The following TGFBR1 variants were observed in gnomAD, a reference collection of about 807,000 sequenced individuals.
The protein encoded by TGFBR1 is TGF-beta receptor type-1.
TGFBR1 carries 20 observed loss-of-function variants against 55.1 expected under a neutral mutation model. That is an observed-to-expected ratio of 0.36 (90% CI 0.26 to 0.53). The LOEUF is 0.53. Ranked by LOEUF, TGFBR1 falls within the 20% of genes least tolerant of loss-of-function variation. The pLI, the probability that TGFBR1 is intolerant of heterozygous loss-of-function variation, is 0.91. For missense variants in TGFBR1, 385 were observed against 617.6 expected (o/e 0.62, Z 3.99); for synonymous variants, 220 against 214.8 (o/e 1.02, Z -0.21).
rs1402182714 is a variant in TGFBR1 at position 99,142,645 on chromosome 9, T to C, written c.915T>C (p.Leu305=). 1 of 1,614,130 alleles carries C rather than the reference T, an allele frequency of 6.2e-7. No individual in the cohort carries two copies. The highest frequency in any genetic ancestry group is 1.7e-5 in the Admixed American group (1 of 60,024). The change falls in exon 5 of 9, where the codon CTT becomes CTC. Residue 305 remains leucine, a synonymous_variant. Transcript: ENST00000374994. ...TTACTGTGGAAGGAATGATAAAACTTGCTCTGTCCACGGCGAGCGGTCTTG... is the reference window on the plus strand; with the variant it reads ...TTACTGTGGAAGGAATGATAAAACTCGCTCTGTCCACGGCGAGCGGTCTTG... The part of the protein sequence containing the change: ...YTVTVEGMIK[L]ALSTASGLAH...
chr9:99,123,882 C>G (rs1826963069), intron 1 of TGFBR1, among the ~76,000 whole-genome samples: 1 of 152,104 alleles, frequency 6.6e-6, no homozygotes, highest in African/African-American at 2.4e-5. Context: ...TTTATATAAT[C>G]ATTTATGTTC....
At chr9:99,104,202 TG>T (rs1302409068), upstream of TGFBR1, 29 of 152,170 alleles carry the variant, frequency 1.9e-4, 1 homozygote. Context: ...TATACAGCAG[TG>T]TCAGACACAG....
chr9:99,118,813 A>G (rs1826821784), intron 1 of TGFBR1, among the ~76,000 whole-genome samples: 1 of 151,956 alleles, frequency 6.6e-6, no homozygotes, highest in African/African-American at 2.4e-5. Context: ...CACCTGGCTC[A>G]AACTTTTATT....
upstream of TGFBR1, among the ~76,000 whole-genome samples, chr9:99,103,821 C>G (rs1303774275): frequency 6.6e-6 from 1 of 152,206 alleles, no homozygotes; most frequent in Non-Finnish European, 1.5e-5. Context: ...CCCTTTTCAT[C>G]TCCCGGAAGG....
Position 99,146,603 on chromosome 9 carries a change from A to G in TGFBR1, c.1249A>G (p.Ile417Val), listed in dbSNP as rs764050602. ...VFWEIARRCS[I>V]GGIHEDYQLP... ...CTGGGAAATTGCTCGACGATGTTCC[A>G]TTGGTGGTAAATTGCTCTCCTCTCC... Residue 417 changes from isoleucine (I) to valine (V), a missense_variant, in exon 7 of 9, where the codon ATT (isoleucine) becomes GTT (valine). Physicochemically the swap from Ile to Val is conservative, Grantham distance 29. This residue lies in a region of TGFBR1 where 110 missense variants were observed against 154.6 expected (regional missense o/e 0.71). Transcript: ENST00000374994. The G allele has an allele frequency of 7.4e-6, 12 of 1,613,822 alleles. No homozygotes were observed. Among genetic ancestry groups the G allele is most frequent in the Non-Finnish European group, 1.0e-5 (12 of 1,179,862 alleles).
In TGFBR1 at chr9:99,134,805, TATATATATATATATATATATATATA is replaced by T. The variant is rs1827373667; in HGVS notation, c.574+2067_574+2091del. Among the ~76,000 whole-genome samples, 25 of 31,796 alleles carry T rather than the reference TATATATATATATATATATATATATA, an allele frequency of 7.9e-4. 1 individual carries two copies. The highest frequency in any genetic ancestry group is 7.2e-3 in the East Asian group (11 of 1,532). 20.9% of individuals were successfully genotyped at this position (31,796 alleles called of 152,430 possible). On this transcript the variant is annotated intron_variant, in intron 3 of 8. Transcript: ENST00000374994. The stretch of plus-strand genomic sequence containing the variant: ...CAATGGAATAATTCTGTTTCCATTA[TATATATATATATATATATATATATA>T]TATATATATATATATATATATATTT...
chr9:99,136,110 C>T (rs1445515733), intron 3 of TGFBR1, among the ~76,000 whole-genome samples: 1 of 152,150 alleles, frequency 6.6e-6, no homozygotes, highest in Non-Finnish European at 1.5e-5. Flanking sequence ...CCACGTCGGC[C>T]TCCTAAAGTG....
At chr9:99,136,539 T>A (rs185259800) in intron 3 of TGFBR1, among the ~76,000 whole-genome samples, 1 of 152,234 alleles carries the variant, frequency 6.6e-6, no homozygotes, top group African/African-American at 2.4e-5. Context: ...TTATACATAG[T>A]GCGAAAGAGC....
intron 1 of TGFBR1, among the ~76,000 whole-genome samples, chr9:99,124,662 T>C (rs2118504744): frequency 6.6e-6 from 1 of 152,284 alleles, no homozygotes; most frequent in Non-Finnish European, 1.5e-5. Context: ...GATCTTGCCG[T>C]ATCACATAAC....
At position 99,135,980 on chromosome 9, in the gene TGFBR1, G is replaced by C. The variant is rs139276231; in HGVS notation, c.575-1879G>C. Among the ~76,000 whole-genome samples the C allele has an allele frequency of 1.1e-3, 164 of 150,964 alleles. 1 individual carries two copies. Among genetic ancestry groups the C allele is most frequent in the African/African-American group, 3.9e-3 (162 of 41,102 alleles). ...AGCAATTCTCCTGCCTCAGCCTCCT[G>C]AGTAGCTGGGATTACAGGTGTGCAC... On this transcript the variant is annotated intron_variant, in intron 3 of 8. Transcript: ENST00000374994.
Position 99,152,420 on chromosome 9 carries a change from G to C in TGFBR1, c.*3115G>C, listed in dbSNP as rs202129409. 27 of 228,366 alleles carry C rather than the reference G, an allele frequency of 1.2e-4. No homozygotes were observed. The highest frequency in any genetic ancestry group is 2.3e-4 in the Non-Finnish European group (26 of 114,728). The allele number at this position is 228,366 out of a possible 1,614,324, so 14.1% of individuals were successfully genotyped here. ...CTGTAATTCTGCTGTAATAATGATA[G>C]TGCTCAAGAAGTGCCTTGAGTTGGT... is the stretch of plus-strand genomic sequence containing the variant. On this transcript the variant is annotated 3_prime_UTR_variant, in exon 9 of 9. Coordinates refer to ENST00000374994, the MANE Select transcript of TGFBR1 (RefSeq NM_004612.4).
chr9:99,135,806 A>ATC (rs1334289286), intron 3 of TGFBR1, among the ~76,000 whole-genome samples: 1 of 151,494 alleles, frequency 6.6e-6, no homozygotes, highest in Non-Finnish European at 1.5e-5. Context: ...GAATATAGAG[A>ATC]TCTAAATTAG....
At chr9:99,143,108 T>G (rs1827676930) in intron 5 of TGFBR1, among the ~76,000 whole-genome samples, 1 of 152,198 alleles carries the variant, frequency 6.6e-6, no homozygotes, top group Non-Finnish European at 1.5e-5. Context: ...TGGAGATATT[T>G]AAAACAAATT....
upstream of TGFBR1, among the ~76,000 whole-genome samples, chr9:99,104,561 G>A (rs1826342477): frequency 6.6e-6 from 1 of 152,114 alleles, no homozygotes; most frequent in South Asian, 2.1e-4. Context: ...ATCTTCGGGG[G>A]AATGCTGAAG....
At chr9:99,104,088 T>A (rs1588553996), upstream of TGFBR1, 1 of 152,248 alleles carries the variant, frequency 6.6e-6, no homozygotes, top group African/African-American at 2.4e-5. Context: ...GGAGCTCATT[T>A]TGGCGTCGCA....
At chr9:99,121,153 G>A (rs553765951) in intron 1 of TGFBR1, among the ~76,000 whole-genome samples, 1 of 152,242 alleles carries the variant, frequency 6.6e-6, no homozygotes, top group South Asian at 2.1e-4. Context: ...AAAAAATCAG[G>A]CGTTTATTCT....
intron 1 of TGFBR1, among the ~76,000 whole-genome samples, chr9:99,120,073 A>G (rs1316352575): frequency 6.6e-6 from 1 of 152,218 alleles, no homozygotes; most frequent in Non-Finnish European, 1.5e-5. Flanking sequence ...ATGTTATTTC[A>G]TTAACCCTCA....
intron 1 of TGFBR1, among the ~76,000 whole-genome samples, chr9:99,113,277 T>G (rs1826637760): frequency 1.3e-5 from 2 of 152,300 alleles, no homozygotes; most frequent in South Asian, 4.1e-4. Flanking sequence ...AGGCCTCAGG[T>G]CATGGTTGCT....
intron 3 of TGFBR1, 143 bp downstream of exon 3, chr9:99,132,882 T>A: frequency 8.5e-7 from 1 of 1,180,252 alleles, no homozygotes; most frequent in Non-Finnish European, 1.2e-6. Flanking sequence ...TAAAAATCTT[T>A]AAGCTTGATG....
Sources: gnomAD v4.1 joint callset for allele counts (sites outside exome capture counted in the v4.1 genomes callset) on GRCh38, gnomAD v4.1.1 for gene constraint, gnomAD v4.1.1 regional missense constraint, MANE v1.5 for transcripts, NCBI Gene and HGNC (gene_info 2026-07-23, HGNC 2026-07-21) for gene names.